The following ST6GAL1 variants were observed in gnomAD, a reference collection of about 807,000 sequenced individuals.
ST6GAL1 encodes the protein beta-galactoside alpha-2,6-sialyltransferase 1.
In ST6GAL1, 20 loss-of-function variants were observed where a neutral mutation model predicts 38.0. The observed-to-expected ratio is 0.53, with a 90% CI of 0.37 to 0.77. The LOEUF is 0.77. Ranked by LOEUF, ST6GAL1 falls within the 30% of genes least tolerant of loss-of-function variation. The pLI is 0.00. For synonymous variants in ST6GAL1, 196 were observed against 188.2 expected (o/e 1.04, Z -0.34); for missense variants, 432 against 496.4 (o/e 0.87, Z 1.23).
At chr3:186,990,689 A>G (rs1056530920) in intron 2 of ST6GAL1, among the ~76,000 whole-genome samples, 2 of 149,812 alleles carry the variant, frequency 1.3e-5, no homozygotes, top group Non-Finnish European at 3.0e-5. Flanking sequence ...AAAAATTTCA[A>G]TAAAGAAAAT....
At chr3:187,028,348 G>A (rs257108) in intron 2 of ST6GAL1, among the ~76,000 whole-genome samples, 52,214 of 151,906 alleles carry the variant, frequency 0.34, 9,375 homozygotes, top group Middle Eastern at 0.44. Context: ...TTTTCTTCAA[G>A]CTCTTTAAAA....
intron 2 of ST6GAL1, among the ~76,000 whole-genome samples, chr3:187,024,044 GTATATATATACATATATATGTTT>G (rs1287703326): frequency 2.0e-5 from 3 of 151,340 alleles, no homozygotes; most frequent in Non-Finnish European, 4.4e-5. Flanking sequence ...ATCCTTTTGG[GTATATATATACATATATATGTTT>G]TATATATATA....
intron 2 of ST6GAL1, among the ~76,000 whole-genome samples, chr3:187,034,654 C>T (rs764777410): frequency 6.6e-6 from 1 of 152,080 alleles, no homozygotes; most frequent in Non-Finnish European, 1.5e-5. Flanking sequence ...AAACAAAAGC[C>T]ATATGATCAT....
intron 1 of ST6GAL1, among the ~76,000 whole-genome samples, chr3:186,939,585 C>G (rs531347010): frequency 6.6e-6 from 1 of 152,178 alleles, no homozygotes; most frequent in South Asian, 2.1e-4. Context: ...AATGAGATAA[C>G]CCATGTGACA....
intron 4 of ST6GAL1, among the ~76,000 whole-genome samples, chr3:187,047,536 CATTT>C (rs1188108660): frequency 1.3e-5 from 2 of 152,084 alleles, no homozygotes; most frequent in Non-Finnish European, 2.9e-5. Flanking sequence ...TACAGTGATG[CATTT>C]ATTTTTTCTT....
intron 5 of ST6GAL1, among the ~76,000 whole-genome samples, chr3:187,056,893 G>C (rs1718721113): frequency 6.6e-6 from 1 of 152,220 alleles, no homozygotes; most frequent in South Asian, 2.1e-4. Context: ...ATCCTGAAGA[G>C]TGTTTTCCAA....
chr3:186,968,367 G>A (rs1009157515), intron 2 of ST6GAL1, among the ~76,000 whole-genome samples: 1 of 152,114 alleles, frequency 6.6e-6, no homozygotes, highest in Admixed American at 6.6e-5. Context: ...CCTTATTGAG[G>A]TGTAATTGAC....
At chr3:186,991,131 T>C (rs1031536772) in intron 2 of ST6GAL1, among the ~76,000 whole-genome samples, 2 of 152,210 alleles carry the variant, frequency 1.3e-5, no homozygotes, top group Non-Finnish European at 2.9e-5. Flanking sequence ...CCTGGCTAGT[T>C]GCCTTCTTTT....
chr3:187,002,452 C>T (rs945078232), intron 2 of ST6GAL1, among the ~76,000 whole-genome samples: 9 of 152,238 alleles, frequency 5.9e-5, no homozygotes, highest in Non-Finnish European at 1.0e-4. Flanking sequence ...GTCCAACTTT[C>T]CCTCAGGAAA....
chr3:186,992,431 C>T (rs60819304), intron 2 of ST6GAL1, among the ~76,000 whole-genome samples: 4,551 of 152,092 alleles, frequency 0.03, 170 homozygotes, highest in East Asian at 0.15. Context: ...ACCCAGTCTC[C>T]GGCAGTTCTC....
chr3:186,989,967 G>T (rs1174686164), intron 2 of ST6GAL1, among the ~76,000 whole-genome samples: 1 of 152,180 alleles, frequency 6.6e-6, no homozygotes, highest in Non-Finnish European at 1.5e-5. Flanking sequence ...TCTGGGTGCT[G>T]TAGCCACAAG....
At chr3:187,031,641 G>T (rs1717755797) in intron 2 of ST6GAL1, among the ~76,000 whole-genome samples, 2 of 152,064 alleles carry the variant, frequency 1.3e-5, no homozygotes, top group Non-Finnish European at 2.9e-5. Context: ...CACCATGTTG[G>T]TCAGGCTGGT....
At chr3:187,009,906 G>T (rs569528060) in intron 2 of ST6GAL1, among the ~76,000 whole-genome samples, 21 of 152,084 alleles carry the variant, frequency 1.4e-4, no homozygotes, top group Admixed American at 2.6e-4. Context: ...TCAGGAGGCC[G>T]AGGCAGGAGA....
At chr3:186,972,190 T>C (rs1715372377) in intron 2 of ST6GAL1, among the ~76,000 whole-genome samples, 2 of 151,696 alleles carry the variant, frequency 1.3e-5, no homozygotes, top group Admixed American at 1.3e-4. Context: ...ACCTGGGGAG[T>C]AGGACACCCA....
chr3:186,939,253 T>G (rs562187069), intron 1 of ST6GAL1, among the ~76,000 whole-genome samples: 4 of 152,112 alleles, frequency 2.6e-5, no homozygotes, highest in Non-Finnish European at 5.9e-5. Flanking sequence ...TTATTTATTT[T>G]TTTTGTAGAG....
intron 1 of ST6GAL1, among the ~76,000 whole-genome samples, chr3:186,938,399 C>T (rs569883336): frequency 3.3e-4 from 50 of 152,296 alleles, no homozygotes; most frequent in African/African-American, 1.2e-3. Context: ...GGATAACAGA[C>T]CTTATCTCAT....
intron 4 of ST6GAL1, among the ~76,000 whole-genome samples, chr3:187,045,791 G>T (rs1443710188): frequency 2.6e-5 from 4 of 152,072 alleles, no homozygotes; most frequent in African/African-American, 9.7e-5. Flanking sequence ...TTCTATTCTT[G>T]TCTATTAGCT....
At chr3:186,932,063 C>T (rs1713776227) in intron 1 of ST6GAL1, among the ~76,000 whole-genome samples, 1 of 152,180 alleles carries the variant, frequency 6.6e-6, no homozygotes, top group Non-Finnish European at 1.5e-5. Flanking sequence ...ATGGAGGCGC[C>T]GCCGCCCCAG....
At chr3:187,019,367 G>A (rs1717219125) in intron 2 of ST6GAL1, among the ~76,000 whole-genome samples, 1 of 152,206 alleles carries the variant, frequency 6.6e-6, no homozygotes, top group Admixed American at 6.5e-5. Context: ...ATAGGGTAAT[G>A]CTAGCTGCTA....
Sources: gnomAD v4.1 joint callset for allele counts (sites outside exome capture counted in the v4.1 genomes callset) on GRCh38, gnomAD v4.1.1 for gene constraint, MANE v1.5 for transcripts, NCBI Gene and HGNC (gene_info 2026-07-23, HGNC 2026-07-21) for gene names.